The following CFAP92 variants were observed in gnomAD, a reference collection of about 807,000 sequenced individuals.
The protein encoded by CFAP92 is uncharacterized protein CFAP92.
A neutral mutation model predicts 106.3 loss-of-function variants in CFAP92; 86 were observed. The ratio of observed to expected loss-of-function variants is 0.81; its 90% CI spans 0.68 to 0.97. The LOEUF is 0.97. Among genes scored for constraint, CFAP92 ranks in the 50% least tolerant of loss-of-function variants. The pLI, the probability that CFAP92 is intolerant of heterozygous loss-of-function variation, is 0.00. For synonymous variants in CFAP92, 477 were observed against 506.4 expected (o/e 0.94, Z 0.78); for missense variants, 1,204 against 1,283.8 (o/e 0.94, Z 0.95).
chr3:129,018,675 C>T, the CFAP92 span, among the ~76,000 whole-genome samples: 1 of 152,228 alleles, frequency 6.6e-6, no homozygotes, highest in Non-Finnish European at 1.5e-5. Context: ...GAGCAGGGGA[C>T]TGGGCAGGGG....
chr3:128,943,032 G>A (rs1327241564), intron 10 of CFAP92, among the ~76,000 whole-genome samples: 1 of 145,764 alleles, frequency 6.9e-6, no homozygotes, highest in Non-Finnish European at 1.5e-5. Context: ...CGATTCTCCT[G>A]CCTCAGCCTC....
At chr3:128,973,821 G>C (rs1019009209) in intron 7 of CFAP92, among the ~76,000 whole-genome samples, 7 of 152,212 alleles carry the variant, frequency 4.6e-5, no homozygotes, top group Non-Finnish European at 7.3e-5. Flanking sequence ...TGGAGAGCAA[G>C]AAATTGGAGA....
chr3:128,967,489 G>A (rs1376039121), intron 8 of CFAP92: 1 of 152,260 alleles, frequency 6.6e-6, no homozygotes, highest in Non-Finnish European at 1.5e-5. Flanking sequence ...ATCACCTGAA[G>A]TCGGGAGTTT....
chr3:128,920,313 A>C (rs1559850360), intron 12 of CFAP92, among the ~76,000 whole-genome samples: 1 of 152,140 alleles, frequency 6.6e-6, no homozygotes, highest in Non-Finnish European at 1.5e-5. Context: ...TGAGGCAGGG[A>C]GAATTGCTTG....
intron 15 of CFAP92, among the ~76,000 whole-genome samples, chr3:128,914,363 CCAAGTCTAGG>C (rs1010481770): frequency 2.6e-5 from 4 of 152,068 alleles, no homozygotes; most frequent in African/African-American, 9.7e-5. Flanking sequence ...AGGGAGGGAG[CCAAGTCTAGG>C]CAAATGGAGA....
At chr3:129,020,482 C>T in the CFAP92 span, among the ~76,000 whole-genome samples, 3 of 152,188 alleles carry the variant, frequency 2.0e-5, no homozygotes, top group Non-Finnish European at 4.4e-5. Context: ...ACAAAAAATA[C>T]AAAAATTGGC....
chr3:128,930,435 G>A (rs894279658), intron 12 of CFAP92, among the ~76,000 whole-genome samples: 8 of 152,076 alleles, frequency 5.3e-5, no homozygotes, highest in Non-Finnish European at 8.8e-5. Context: ...ACAGGTGTGA[G>A]TACTGTGCCT....
At position 128,945,960 on chromosome 3, in the gene CFAP92, C is replaced by G. The variant is rs1403578438; in HGVS notation, c.1369G>C (p.Val457Leu). The stretch of plus-strand genomic sequence containing the variant: ...TTATGGAACTGGTACTTGCAGTACA[C>G]AGGCATGCACAGCCTCTACGAGAGA... ...IQELERLCMP[V>L]YCKYQFHKTP... Residue 457 changes from valine to leucine, a missense_variant, in exon 10 of 16, where the codon GTG (valine) becomes CTG (leucine). Transcript: ENST00000645291. The G allele has an allele frequency of 6.9e-7, 1 of 1,439,182 alleles. No individual in the cohort carries two copies. Among genetic ancestry groups the G allele is most frequent in the African/African-American group, 1.4e-5 (1 of 69,692 alleles). The allele number at this position is 1,439,182 out of a possible 1,614,324, so 89.2% of individuals were successfully genotyped here. A position where few individuals can be genotyped will look rare whatever the true frequency, so the allele number is the denominator to read the frequency against.
chr3:128,997,240 TGG>T (rs1401765168), upstream of CFAP92, among the ~76,000 whole-genome samples: 7 of 152,200 alleles, frequency 4.6e-5, no homozygotes, highest in African/African-American at 1.7e-4. Context: ...CCCAAGACTC[TGG>T]CAGCTGGAAG....
the CFAP92 span, among the ~76,000 whole-genome samples, chr3:129,011,305 C>T: frequency 6.6e-6 from 1 of 152,170 alleles, no homozygotes; most frequent in African/African-American, 2.4e-5. Flanking sequence ...AATCCCAACA[C>T]TTTGGGAGGC....
At position 128,945,628 on chromosome 3, in the gene CFAP92, C is replaced by G; in HGVS notation, c.1701G>C (p.Gln567His). 6.5e-7 allele frequency: 1 copy of G among 1,536,100 alleles called. No individual in the cohort carries two copies. ...CAAGGAGGAGGTCAGCAAAACTGAC[C>G]TGGGCGATGCCATAAGGGTACCACA... The part of the protein sequence containing the change: ...NKMWYPYGIA[Q>H]VSFADLLLGH... Residue 567 changes from glutamine to histidine, a missense_variant, in exon 10 of 16, where the codon CAG becomes CAC. Physicochemically the swap from Gln to His is conservative, Grantham distance 24. Coordinates refer to ENST00000645291, the MANE Select transcript of CFAP92 (RefSeq NM_001394090.1).
At chr3:128,933,305 C>T (rs1938605314) in intron 11 of CFAP92, among the ~76,000 whole-genome samples, 1 of 152,234 alleles carries the variant, frequency 6.6e-6, no homozygotes, top group African/African-American at 2.4e-5. Context: ...CACAGCCCCA[C>T]CAGCTGCCCA....
At chr3:129,025,571 G>A in the CFAP92 span, among the ~76,000 whole-genome samples, 1 of 152,200 alleles carries the variant, frequency 6.6e-6, no homozygotes, top group Non-Finnish European at 1.5e-5. Context: ...GCAGAGTAAG[G>A]GTGGTAGCTG....
At chr3:128,979,690 G>A (rs1943389758) in intron 4 of CFAP92, among the ~76,000 whole-genome samples, 1 of 151,712 alleles carries the variant, frequency 6.6e-6, no homozygotes, top group Admixed American at 6.6e-5. Context: ...GCAAACTATC[G>A]GAAGGACAAA....
In CFAP92 at chr3:128,993,353, GAA is replaced by G; in HGVS notation, c.-32-19_-32-18del. 1 of 1,554,426 alleles carries G rather than the reference GAA, an allele frequency of 6.4e-7. No individual in the cohort carries two copies. Among genetic ancestry groups the G allele is most frequent in the South Asian group, 1.2e-5 (1 of 86,016 alleles). On this transcript the variant is annotated intron_variant, in intron 1 of 15. Coordinates refer to ENST00000645291, the MANE Select transcript of CFAP92 (RefSeq NM_001394090.1). ...CCGGCGCTCCTGGCAGGGAGAAAGT[GAA>G]GGCTGTCCCCGCCTGTATTCCAGGG...
At chr3:128,978,269 A>G (rs1943290590) in intron 4 of CFAP92, 84 bp from the exon 5 acceptor site, 6 of 1,470,426 alleles carry the variant, frequency 4.1e-6, no homozygotes, top group African/African-American at 2.8e-5. Context: ...TTTCTTGGAG[A>G]CACTGGGCGT....
chr3:128,910,128 G>A lies in CFAP92; in HGVS notation c.*171C>T, dbSNP rs991741671. ...GGGCCAGCCGCTCCATCCGCATTGG[G>A]CTCCGCAACCACGACCACGAGGTGA... On this transcript the variant is annotated 3_prime_UTR_variant, in exon 16 of 16. Transcript: ENST00000645291. 7.4e-6 allele frequency: 12 copies of A among 1,613,930 alleles called. No homozygotes were observed. In the Admixed American group the frequency reaches 2.0e-4, roughly 27 times the overall value.
At chr3:129,015,809 T>C in the CFAP92 span, among the ~76,000 whole-genome samples, 5 of 145,194 alleles carry the variant, frequency 3.4e-5, no homozygotes, top group East Asian at 4.5e-4. Flanking sequence ...CTTCCTGCTG[T>C]TGTTCTCTTG....
At position 128,915,245 on chromosome 3, in the gene CFAP92, C is replaced by G. The variant is rs1170107485; in HGVS notation, c.3154G>C (p.Val1052Leu). The G allele has an allele frequency of 6.5e-7, 1 of 1,536,160 alleles. No individual in the cohort carries two copies. Among genetic ancestry groups the G allele is most frequent in the African/African-American group, 1.4e-5 (1 of 73,158 alleles). The change falls in exon 15 of 16, where the codon GTA becomes CTA. Residue 1052 changes from valine (V) to leucine (L), a missense_variant. Val to Leu is a conservative substitution (Grantham distance 32, BLOSUM62 1). Transcript: ENST00000645291. Reference sequence around the variant, plus strand: ...TCTCGATCCAACACAGGCTCCAGTACATTAGCAAACAGGGAGTTTTCCTTC... The same window carrying G: ...TCTCGATCCAACACAGGCTCCAGTAGATTAGCAAACAGGGAGTTTTCCTTC... ...EWKENSLFAN[V>L]LEPVLDRDRW... is the part of the protein sequence containing the mutation.
Sources: allele counts gnomAD v4.1 joint callset (sites outside exome capture counted in the v4.1 genomes callset), GRCh38; gene constraint gnomAD v4.1.1; transcripts MANE v1.5; gene names NCBI Gene and HGNC (gene_info 2026-07-23, HGNC 2026-07-21).